The following FPR3 variants were observed in gnomAD, a reference collection of about 807,000 sequenced individuals.
FPR3 encodes the protein N-formyl peptide receptor 3.
For missense variants in FPR3, 346 were observed against 443.2 expected (o/e 0.78, Z 1.97); for synonymous variants, 135 against 163.6 (o/e 0.83, Z 1.34).
At chr19:51,802,219 C>T (rs1372843517) in intron 1 of FPR3, among the ~76,000 whole-genome samples, 2 of 151,798 alleles carry the variant, frequency 1.3e-5, no homozygotes, top group Non-Finnish European at 2.9e-5. Context: ...AAAAAAAATT[C>T]GTAAAAATGC....
chr19:51,825,945 T>C lies in FPR3; in HGVS notation c.*1135T>C, dbSNP rs1047292287. On this transcript the variant is annotated 3_prime_UTR_variant, in exon 2 of 2. Transcript: ENST00000339223. Reference sequence around the variant, plus strand: ...TTACCATTAAGTAAAATGTTTGCCATAGGCTTTCTGGGGCTTTCTCTTTTT... The same window carrying C: ...TTACCATTAAGTAAAATGTTTGCCACAGGCTTTCTGGGGCTTTCTCTTTTT... 3.6e-5 allele frequency: 6 copies of C among 167,088 alleles called. No homozygotes were observed. The highest frequency in any genetic ancestry group is 1.4e-4 in the African/African-American group (6 of 41,468). 10.4% of individuals were successfully genotyped at this position (167,088 alleles called of 1,614,324 possible).
intron 1 of FPR3, among the ~76,000 whole-genome samples, chr19:51,800,252 C>T (rs1266081508): frequency 1.3e-5 from 2 of 152,170 alleles, no homozygotes; most frequent in East Asian, 1.9e-4. Context: ...CCTCAGAGGT[C>T]GATCGGGTCA....
intron 1 of FPR3, among the ~76,000 whole-genome samples, chr19:51,815,595 C>T (rs995634494): frequency 3.3e-5 from 5 of 150,338 alleles, no homozygotes; most frequent in Admixed American, 3.3e-4. Flanking sequence ...ACACCAGGCA[C>T]GGTGGCTCAC....
intron 1 of FPR3, among the ~76,000 whole-genome samples, chr19:51,814,192 C>T (rs913320888): frequency 6.6e-5 from 10 of 152,138 alleles, no homozygotes; most frequent in African/African-American, 1.9e-4. Context: ...CTGTTTTCTG[C>T]GTCTCCACTT....
intron 1 of FPR3, among the ~76,000 whole-genome samples, chr19:51,815,358 G>A (rs539158593): frequency 2.0e-5 from 3 of 152,062 alleles, no homozygotes; most frequent in East Asian, 1.9e-4. Flanking sequence ...TCAGGAATTC[G>A]AGACCAGCCT....
intron 1 of FPR3, among the ~76,000 whole-genome samples, chr19:51,798,437 T>C (rs2084012112): frequency 6.6e-6 from 1 of 152,036 alleles, no homozygotes; most frequent in Non-Finnish European, 1.5e-5. Flanking sequence ...CACTAAACAA[T>C]GTCCCTGGGA....
At chr19:51,815,786 AG>A (rs1160392358) in intron 1 of FPR3, among the ~76,000 whole-genome samples, 1 of 151,524 alleles carries the variant, frequency 6.6e-6, no homozygotes, top group Non-Finnish European at 1.5e-5. Flanking sequence ...CCTTGAGCCC[AG>A]GGAAGTGGAG....
intron 1 of FPR3, among the ~76,000 whole-genome samples, chr19:51,801,084 G>GA (rs1451079726): frequency 7.2e-5 from 11 of 151,750 alleles, no homozygotes; most frequent in Non-Finnish European, 1.2e-4. Context: ...ACTGATGGGG[G>GA]AAAAAAGAAA....
In FPR3 at chr19:51,803,207, A is replaced by G. The variant is rs184849898; in HGVS notation, c.-11+7876A>G. ...TCATGTCTAGTAAATTCTCATCCTC[A>G]TGTGCGCAATATTTATAAATTCCCA... On this transcript the variant is annotated intron_variant, in intron 1 of 1. Transcript: ENST00000339223. Among the ~76,000 whole-genome samples the G allele has an allele frequency of 2.3e-3, 345 of 152,270 alleles. 1 individual carries two copies. Among genetic ancestry groups the G allele is most frequent in the Non-Finnish European group, 3.9e-3 (262 of 68,026 alleles).
At chr19:51,810,690 T>C (rs897289161) in intron 1 of FPR3, among the ~76,000 whole-genome samples, 1 of 152,188 alleles carries the variant, frequency 6.6e-6, no homozygotes, top group South Asian at 2.1e-4. Flanking sequence ...CAAGTTCGCA[T>C]CAAGTGTCTC....
Position 51,825,425 on chromosome 19 carries a change from G to A in FPR3, c.*615G>A, listed in dbSNP as rs2084225796. ...TCAGCATTCTTTCCTCCAGTGTATA[G>A]GATGGGATCCTCTCTGGGGAGGGTC... On this transcript the variant is annotated 3_prime_UTR_variant, in exon 2 of 2. Coordinates refer to ENST00000339223, the MANE Select transcript of FPR3 (RefSeq NM_002030.5). 1 of 166,810 alleles carries A rather than the reference G, an allele frequency of 6.0e-6. No individual in the cohort carries two copies. Among genetic ancestry groups the A allele is most frequent in the Non-Finnish European group, 1.5e-5 (1 of 68,346 alleles). The allele number at this position is 166,810 out of a possible 1,614,324, so 10.3% of individuals were successfully genotyped here.
At chr19:51,799,293 G>A (rs866222261) in intron 1 of FPR3, among the ~76,000 whole-genome samples, 2 of 152,090 alleles carry the variant, frequency 1.3e-5, no homozygotes, top group South Asian at 2.1e-4. Flanking sequence ...TCGCCTCATT[G>A]AAGCCGCACC....
chr19:51,803,918 G>A (rs989508123), intron 1 of FPR3: 1 of 152,124 alleles, frequency 6.6e-6, no homozygotes, highest in African/African-American at 2.4e-5. Context: ...GGTATATTGG[G>A]GCTTTGAAGC....
intron 1 of FPR3, among the ~76,000 whole-genome samples, chr19:51,819,490 T>C (rs1419014420): frequency 1.5e-5 from 2 of 131,536 alleles, no homozygotes; most frequent in Non-Finnish European, 3.4e-5. Context: ...TATCATCTTA[T>C]GATATGGAAA....
At chr19:51,808,833 T>A (rs572336613) in intron 1 of FPR3, among the ~76,000 whole-genome samples, 111 of 152,300 alleles carry the variant, frequency 7.3e-4, no homozygotes, top group African/African-American at 2.6e-3. Flanking sequence ...CACTGGAGAA[T>A]TCCAAGCTTA....
intron 1 of FPR3, among the ~76,000 whole-genome samples, chr19:51,799,120 C>A (rs1165700329): frequency 1.3e-5 from 2 of 151,990 alleles, no homozygotes; most frequent in African/African-American, 2.4e-5. Flanking sequence ...GGACATTTGC[C>A]CCTGAACTTG....
chr19:51,824,876 C>T lies in FPR3; in HGVS notation c.*66C>T, dbSNP rs776984699. 7.8e-7 allele frequency: 1 copy of T among 1,282,772 alleles called. No homozygotes were observed. Among genetic ancestry groups the T allele is most frequent in the Non-Finnish European group, 1.1e-6 (1 of 936,834 alleles). 79.5% of individuals were successfully genotyped at this position (1,282,772 alleles called of 1,614,324 possible). Reference sequence around the variant, plus strand: ...GTTAAGCGGAAAAAAAAAATTCTGACAGTGTTTTTCTTCCTCTTTCATACC... The same window carrying T: ...GTTAAGCGGAAAAAAAAAATTCTGATAGTGTTTTTCTTCCTCTTTCATACC... On this transcript the variant is annotated 3_prime_UTR_variant, in exon 2 of 2. Transcript: ENST00000339223. The surrounding 1 kb of genome is among the most constrained non-coding windows in gnomAD (Gnocchi z 4.7).
intron 1 of FPR3, among the ~76,000 whole-genome samples, chr19:51,815,794 G>A (rs2084131218): frequency 6.6e-6 from 1 of 151,730 alleles, no homozygotes; most frequent in Non-Finnish European, 1.5e-5. Context: ...CCAGGGAAGT[G>A]GAGGTTACAG....
chr19:51,796,874 G>A (rs979465335), intron 1 of FPR3, among the ~76,000 whole-genome samples: 2 of 152,118 alleles, frequency 1.3e-5, no homozygotes, highest in Non-Finnish European at 2.9e-5. Flanking sequence ...GAGAGGCCAC[G>A]GCTGATAATT....
Sources: gnomAD v4.1 joint callset for allele counts (sites outside exome capture counted in the v4.1 genomes callset) on GRCh38, gnomAD v4.1.1 for gene constraint, Gnocchi (gnomAD v3.1) non-coding constraint, MANE v1.5 for transcripts, NCBI Gene and HGNC (gene_info 2026-07-23, HGNC 2026-07-21) for gene names.